Variants in NUDCD3 observed in about 807,000 individuals in gnomAD.
The protein encoded by NUDCD3 is nudC domain-containing protein 3.
In NUDCD3, 13 loss-of-function variants were observed where a neutral mutation model predicts 39.7. The observed-to-expected ratio is 0.33, with a 90% CI of 0.21 to 0.52. The LOEUF (loss-of-function observed/expected upper bound fraction) is 0.52. Ranked by LOEUF, NUDCD3 falls within the 20% of genes least tolerant of loss-of-function variation. The pLI, the probability that NUDCD3 is intolerant of heterozygous loss-of-function variation, is 0.96. For missense variants in NUDCD3, 453 were observed against 458.1 expected, an observed-to-expected ratio of 0.99 and a Z score of 0.10; for synonymous variants, 175 against 172.4, an observed-to-expected ratio of 1.02 and a Z score of -0.12.
chr7:44,480,058 T>C (rs1800454964), intron 2 of NUDCD3, among the ~76,000 whole-genome samples: 1 of 152,188 alleles, frequency 6.6e-6, no homozygotes, highest in African/African-American at 2.4e-5. Context: ...AGCTACCAAG[T>C]AGAAAGGTTA....
intron 2 of NUDCD3, among the ~76,000 whole-genome samples, chr7:44,457,279 TCTCA>T (rs1393089632): frequency 6.6e-6 from 1 of 152,240 alleles, no homozygotes; most frequent in African/African-American, 2.4e-5. Context: ...GGGTGCCTAC[TCTCA>T]CTATTTCTAT....
intron 3 of NUDCD3, among the ~76,000 whole-genome samples, chr7:44,417,108 C>T (rs1290099506): frequency 6.6e-6 from 1 of 152,234 alleles, no homozygotes; most frequent in African/African-American, 2.4e-5. Flanking sequence ...GCAATCTTGT[C>T]TGTCTTGGTG....
rs752576031 is a variant in NUDCD3, at chr7:44,404,425, G to A, written c.786+15C>T. ...AGTCCACCTGGGAGCCCTACACACAGGTGCCCAAACTTACCAAAACGCACT... is the reference window on the plus strand; with the variant it reads ...AGTCCACCTGGGAGCCCTACACACAAGTGCCCAAACTTACCAAAACGCACT... On this transcript the variant is annotated intron_variant, in intron 4 of 5. Transcript: ENST00000355451. 1.2e-6 allele frequency: 2 copies of A among 1,612,986 alleles called. No individual in the cohort carries two copies. Among genetic ancestry groups the A allele is most frequent in the Non-Finnish European group, 1.7e-6 (2 of 1,179,296 alleles).
chr7:44,434,568 C>T (rs942196833), intron 2 of NUDCD3, among the ~76,000 whole-genome samples: 2 of 152,174 alleles, frequency 1.3e-5, no homozygotes, highest in Admixed American at 1.3e-4. Flanking sequence ...CCCCCCGCCC[C>T]GCAATATCAG....
intron 2 of NUDCD3, among the ~76,000 whole-genome samples, chr7:44,462,873 C>T (rs1800042757): frequency 1.3e-5 from 2 of 151,816 alleles, no homozygotes; most frequent in African/African-American, 2.4e-5. Context: ...ATGTAATTGC[C>T]TTTTTGAAAA....
intron 2 of NUDCD3, among the ~76,000 whole-genome samples, chr7:44,463,772 G>C (rs1049740073): frequency 6.6e-6 from 1 of 152,048 alleles, no homozygotes; most frequent in Non-Finnish European, 1.5e-5. Flanking sequence ...GATGATCAAA[G>C]GGGTCTTGAG....
At chr7:44,386,517 T>TGTAGAGAAGGTGC (rs1470480421) in intron 5 of NUDCD3, among the ~76,000 whole-genome samples, 1 of 152,130 alleles carries the variant, frequency 6.6e-6, no homozygotes, top group Non-Finnish European at 1.5e-5. Context: ...CCACCAGGGT[T>TGTAGAGAAGGTGC]GTAGAGAAGG....
At chr7:44,448,790 G>A (rs190046250) in intron 2 of NUDCD3, among the ~76,000 whole-genome samples, 12 of 151,182 alleles carry the variant, frequency 7.9e-5, no homozygotes, top group Admixed American at 1.3e-4. Flanking sequence ...GAGAGAGAGA[G>A]AAAAAAAAAC....
chr7:44,392,175 G>T, intron 5 of NUDCD3, 122 bp downstream of exon 5: 1 of 892,608 alleles, frequency 1.1e-6, no homozygotes, highest in South Asian at 1.7e-5. Flanking sequence ...CTAGGACATG[G>T]CAGGAAGCTG....
chr7:44,406,515 G>A (rs1188911467), intron 3 of NUDCD3, among the ~76,000 whole-genome samples: 1 of 152,208 alleles, frequency 6.6e-6, no homozygotes, highest in Non-Finnish European at 1.5e-5. Flanking sequence ...TCCTCAGCCT[G>A]CCTTCACAAG....
At chr7:44,391,355 A>G (rs1349107146) in intron 5 of NUDCD3, among the ~76,000 whole-genome samples, 1 of 152,158 alleles carries the variant, frequency 6.6e-6, no homozygotes, top group Non-Finnish European at 1.5e-5. Context: ...GAAAATAGGC[A>G]AGAACGGACG....
chr7:44,381,989 G>A lies in NUDCD3; in HGVS notation c.*4022C>T, dbSNP rs1798313017. 1 of 152,332 alleles carries A rather than the reference G, an allele frequency of 6.6e-6. No individual in the cohort carries two copies. 9.4% of individuals were successfully genotyped at this position (152,332 alleles called of 1,614,324 possible). A position where few individuals can be genotyped will look rare whatever the true frequency, so the allele number is the denominator to read the frequency against. On this transcript the variant is annotated 3_prime_UTR_variant, in exon 6 of 6. Transcript: ENST00000355451. ...AGGGGGAAGCAGGAAGTTGTGAGGG[G>A]TAGCCGGGCCTGACCTCTCTTCCCT...
At chr7:44,473,142 T>C (rs1225794591) in intron 2 of NUDCD3, among the ~76,000 whole-genome samples, 1 of 152,192 alleles carries the variant, frequency 6.6e-6, no homozygotes, top group Non-Finnish European at 1.5e-5. Flanking sequence ...AGTAAACATC[T>C]TGGCCACACA....
At chr7:44,449,414 C>A (rs940936102) in intron 2 of NUDCD3, among the ~76,000 whole-genome samples, 1 of 152,248 alleles carries the variant, frequency 6.6e-6, no homozygotes, top group African/African-American at 2.4e-5. Context: ...TTCATAAAGG[C>A]AGAAATCAAA....
intron 1 of NUDCD3, among the ~76,000 whole-genome samples, chr7:44,487,109 G>A (rs1174037329): frequency 1.3e-5 from 2 of 152,140 alleles, no homozygotes; most frequent in South Asian, 2.1e-4. Context: ...CAGCATTATC[G>A]ATTATAATGA....
intron 3 of NUDCD3, among the ~76,000 whole-genome samples, chr7:44,416,816 ACTAGCTCCAGAG>A (rs1260350730): frequency 6.6e-6 from 1 of 152,218 alleles, no homozygotes; most frequent in Non-Finnish European, 1.5e-5. Flanking sequence ...GAGAGAGAGC[ACTAGCTCCAGAG>A]CAAGCCTTGA....
chr7:44,466,095 G>T (rs1800113031), intron 2 of NUDCD3, among the ~76,000 whole-genome samples: 1 of 152,154 alleles, frequency 6.6e-6, no homozygotes, highest in African/African-American at 2.4e-5. Flanking sequence ...GATGCTTGCT[G>T]CCAGGAGCCA....
chr7:44,438,076 C>G (rs1364855590), intron 2 of NUDCD3, among the ~76,000 whole-genome samples: 2 of 152,040 alleles, frequency 1.3e-5, no homozygotes, highest in African/African-American at 4.8e-5. Flanking sequence ...CTGAACTAAG[C>G]TGGGTGTAGT....
At chr7:44,472,717 C>T (rs928210169) in intron 2 of NUDCD3, among the ~76,000 whole-genome samples, 1 of 152,078 alleles carries the variant, frequency 6.6e-6, no homozygotes, top group African/African-American at 2.4e-5. Flanking sequence ...AATACAGAAA[C>T]ATATACAAAG....
Sources: allele counts gnomAD v4.1 joint callset (sites outside exome capture counted in the v4.1 genomes callset), GRCh38; gene constraint gnomAD v4.1.1; transcripts MANE v1.5; gene names NCBI Gene and HGNC (gene_info 2026-07-23, HGNC 2026-07-21).